Variants in JAKMIP2 observed in about 807,000 individuals in gnomAD.
JAKMIP2 encodes janus kinase and microtubule-interacting protein 2.
JAKMIP2 carries 25 observed loss-of-function variants against 115.0 expected under a neutral mutation model. The observed-to-expected ratio is 0.22, with a 90% CI of 0.16 to 0.30. JAKMIP2 has a LOEUF of 0.30. Ranked by LOEUF, JAKMIP2 falls within the 10% of genes least tolerant of loss-of-function variation. JAKMIP2 has a pLI of 1.00. For synonymous variants in JAKMIP2, 334 were observed against 343.6 expected (o/e 0.97, Z 0.31); for missense variants, 642 against 957.6 (o/e 0.67, Z 4.35).
chr5:147,698,246 A>T (rs1752184177), intron 1 of JAKMIP2, among the ~76,000 whole-genome samples: 1 of 152,172 alleles, frequency 6.6e-6, no homozygotes, highest in Non-Finnish European at 1.5e-5. Flanking sequence ...CATTTTGAAC[A>T]GGTGTATTTA....
At chr5:147,686,642 T>C (rs1438405408) in intron 1 of JAKMIP2, among the ~76,000 whole-genome samples, 1 of 152,134 alleles carries the variant, frequency 6.6e-6, no homozygotes, top group East Asian at 1.9e-4. Context: ...GAGTAAAGAA[T>C]TCCTTAAACC....
chr5:147,649,661 AT>A (rs1324828585), intron 4 of JAKMIP2, among the ~76,000 whole-genome samples: 1 of 151,906 alleles, frequency 6.6e-6, no homozygotes, highest in Non-Finnish European at 1.5e-5. Flanking sequence ...ATATATATTT[AT>A]TCTGAATATC....
At chr5:147,674,496 G>T (rs1208076885) in intron 1 of JAKMIP2, among the ~76,000 whole-genome samples, 1 of 152,178 alleles carries the variant, frequency 6.6e-6, no homozygotes, top group East Asian at 1.9e-4. Context: ...TTTAGAAAAG[G>T]TTGTGAAATG....
intron 1 of JAKMIP2, among the ~76,000 whole-genome samples, chr5:147,702,662 AAGAG>A (rs778480596): frequency 0.022 from 2,341 of 104,776 alleles, 67 homozygotes; most frequent in South Asian, 0.05. Context: ...GAAAGAAAGA[AAGAG>A]AGAGAAAGAA....
At chr5:147,691,817 C>T (rs570471054) in intron 1 of JAKMIP2, among the ~76,000 whole-genome samples, 8 of 151,906 alleles carry the variant, frequency 5.3e-5, no homozygotes, top group Non-Finnish European at 7.4e-5. Flanking sequence ...TGCATGGGAG[C>T]GGTTAAGCAG....
intron 21 of JAKMIP2, among the ~76,000 whole-genome samples, chr5:147,594,871 G>C (rs1312796052): frequency 1.3e-5 from 2 of 152,080 alleles, no homozygotes; most frequent in African/African-American, 2.4e-5. Flanking sequence ...TAAATAATTG[G>C]TCCATAAAAA....
rs536402278 is a variant in JAKMIP2 at position 147,628,431 on chromosome 5, G to A, written c.1995+320C>T. Among the ~76,000 whole-genome samples the A allele has an allele frequency of 5.9e-5, 9 of 152,224 alleles. No individual in the cohort carries two copies. The South Asian group carries it at 1.9e-3, about 32-fold the overall frequency. Reference sequence around the variant, plus strand: ...CAATGCTCCAGTTTATCATCGCCCCGCAGAATTCTTCTTTGTGGTTTCCCA... The same window carrying A: ...CAATGCTCCAGTTTATCATCGCCCCACAGAATTCTTCTTTGTGGTTTCCCA... On this transcript the variant is annotated intron_variant, in intron 16 of 21. Transcript: ENST00000616793.
At chr5:147,681,351 T>A (rs1415251159) in intron 1 of JAKMIP2, among the ~76,000 whole-genome samples, 1 of 152,168 alleles carries the variant, frequency 6.6e-6, no homozygotes, top group Non-Finnish European at 1.5e-5. Context: ...GCTCATGCAA[T>A]TCTTTGTTTG....
chr5:147,708,955 C>T (rs1046515925), intron 1 of JAKMIP2, among the ~76,000 whole-genome samples: 3 of 152,160 alleles, frequency 2.0e-5, no homozygotes, highest in African/African-American at 7.2e-5. Context: ...AGTAAACAAC[C>T]ACCTCAACAG....
At chr5:147,768,266 C>T (rs925579949) in intron 1 of JAKMIP2, among the ~76,000 whole-genome samples, 1 of 152,254 alleles carries the variant, frequency 6.6e-6, no homozygotes, top group Admixed American at 6.5e-5. Flanking sequence ...AGGCTTACAG[C>T]TTACCGTGCT....
intron 1 of JAKMIP2, among the ~76,000 whole-genome samples, chr5:147,768,097 T>G (rs985382986): frequency 1.3e-5 from 2 of 152,148 alleles, no homozygotes; most frequent in African/African-American, 4.8e-5. Flanking sequence ...GTTTGTAAAC[T>G]CAATTTTCAT....
chr5:147,616,377 G>A (rs1053305001), intron 19 of JAKMIP2, among the ~76,000 whole-genome samples: 1 of 152,192 alleles, frequency 6.6e-6, no homozygotes, highest in African/African-American at 2.4e-5. Context: ...CTGAGGTTCA[G>A]AAATGTACTA....
chr5:147,594,035 TA>T (rs1384244738), intron 21 of JAKMIP2, among the ~76,000 whole-genome samples: 1 of 152,156 alleles, frequency 6.6e-6, no homozygotes, highest in Admixed American at 6.5e-5. Flanking sequence ...ACAACCGAGG[TA>T]AAACCCCTCA....
chr5:147,675,331 G>T (rs939267115), intron 1 of JAKMIP2, among the ~76,000 whole-genome samples: 2 of 152,094 alleles, frequency 1.3e-5, no homozygotes, highest in African/African-American at 2.4e-5. Context: ...GCCTTAAGGT[G>T]AGCAACTTCA....
At chr5:147,701,267 G>C (rs1048849121) in intron 1 of JAKMIP2, among the ~76,000 whole-genome samples, 3 of 152,150 alleles carry the variant, frequency 2.0e-5, no homozygotes, top group African/African-American at 7.2e-5. Flanking sequence ...GTTTGTGGTT[G>C]ATTAGTGGAG....
chr5:147,627,030 A>AT (rs1178358416), intron 16 of JAKMIP2, among the ~76,000 whole-genome samples: 1 of 152,134 alleles, frequency 6.6e-6, no homozygotes, highest in Non-Finnish European at 1.5e-5. Context: ...TTCAGTTAAC[A>AT]TTTATTCATG....
chr5:147,646,036 T>C (rs1758116927), intron 5 of JAKMIP2, among the ~76,000 whole-genome samples: 2 of 152,310 alleles, frequency 1.3e-5, no homozygotes, highest in East Asian at 1.9e-4. Context: ...GAGTATGTAT[T>C]GGGAGAAGAG....
At chr5:147,669,381 G>A (rs1241652934) in intron 2 of JAKMIP2, among the ~76,000 whole-genome samples, 1 of 152,192 alleles carries the variant, frequency 6.6e-6, no homozygotes, top group Non-Finnish European at 1.5e-5. Flanking sequence ...CTGGCTGCCA[G>A]TCAATTGTTA....
intron 20 of JAKMIP2, among the ~76,000 whole-genome samples, chr5:147,611,434 G>A (rs146603475): frequency 3.4e-3 from 521 of 152,272 alleles, no homozygotes; most frequent in African/African-American, 0.012. Context: ...CTTGGCTAGG[G>A]GAGGGATTTC....
Sources: allele counts gnomAD v4.1 joint callset (sites outside exome capture counted in the v4.1 genomes callset), GRCh38; gene constraint gnomAD v4.1.1; transcripts MANE v1.5; gene names NCBI Gene and HGNC (gene_info 2026-07-23, HGNC 2026-07-21).